The following RIMS2 variants were observed in gnomAD, a reference collection of about 807,000 sequenced individuals.
The protein encoded by RIMS2 is regulating synaptic membrane exocytosis 2, also known as regulating synaptic membrane exocytosis protein 2.
In RIMS2, 59 loss-of-function variants were observed where a neutral mutation model predicts 174.4. The observed-to-expected ratio is 0.34, with a 90% CI of 0.27 to 0.42. The LOEUF (loss-of-function observed/expected upper bound fraction) is 0.42. Among genes scored for constraint, RIMS2 ranks in the 10% least tolerant of loss-of-function variants. RIMS2 has a pLI of 1.00. For synonymous variants in RIMS2, 606 were observed against 572.5 expected (o/e 1.06, Z -0.84); for missense variants, 1,620 against 1,666.3 (o/e 0.97, Z 0.48).
intron 19 of RIMS2, among the ~76,000 whole-genome samples, chr8:104,039,720 A>G (rs1385382462): frequency 6.6e-6 from 1 of 151,732 alleles, no homozygotes; most frequent in East Asian, 1.9e-4. Context: ...GAAAGTCGGC[A>G]TTTGCCTAGG....
intron 20 of RIMS2, among the ~76,000 whole-genome samples, chr8:104,246,319 T>C (rs1376970089): frequency 6.6e-6 from 1 of 152,116 alleles, no homozygotes; most frequent in African/African-American, 2.4e-5. Context: ...ATCTGGGTCT[T>C]TTCTTTTCTT....
At chr8:103,761,255 C>T (rs1305802481) in intron 2 of RIMS2, among the ~76,000 whole-genome samples, 1 of 152,108 alleles carries the variant, frequency 6.6e-6, no homozygotes, top group East Asian at 1.9e-4. Flanking sequence ...ATATTCATGC[C>T]CTGGTAATGG....
intron 3 of RIMS2, among the ~76,000 whole-genome samples, chr8:103,882,352 A>T (rs538608480): frequency 6.6e-6 from 1 of 151,748 alleles, no homozygotes; most frequent in Non-Finnish European, 1.5e-5. Context: ...GAAGTAATTC[A>T]TAATATAGTT....
chr8:103,910,086 CT>C, intron 4 of RIMS2: 7 of 1,204,784 alleles, frequency 5.8e-6, no homozygotes, highest in African/African-American at 1.5e-5. Flanking sequence ...CTGTCTGTCC[CT>C]TTTTTCACCA....
intron 1 of RIMS2, among the ~76,000 whole-genome samples, chr8:103,520,705 T>C (rs1831245056): frequency 6.6e-6 from 1 of 152,124 alleles, no homozygotes; most frequent in African/African-American, 2.4e-5. Context: ...ACCATGTAGT[T>C]TGAGAAGTAT....
intron 1 of RIMS2, among the ~76,000 whole-genome samples, chr8:103,562,635 C>T (rs1306194623): frequency 6.6e-6 from 1 of 152,128 alleles, no homozygotes; most frequent in Non-Finnish European, 1.5e-5. Flanking sequence ...AGTGGGTCTA[C>T]TATTCTGGGG....
intron 3 of RIMS2, among the ~76,000 whole-genome samples, chr8:103,853,850 G>A (rs2099012439): frequency 6.6e-6 from 1 of 151,884 alleles, no homozygotes; most frequent in African/African-American, 2.4e-5. Flanking sequence ...TGCTTAGGAT[G>A]GCTTTGGCTA....
At chr8:103,756,975 GTGTC>G (rs2098022521) in intron 2 of RIMS2, among the ~76,000 whole-genome samples, 1 of 120,952 alleles carries the variant, frequency 8.3e-6, no homozygotes, top group Non-Finnish European at 1.7e-5. Flanking sequence ...ATGTGTGTGT[GTGTC>G]TGTGTGTGTG....
At chr8:103,559,774 C>T (rs563107200) in intron 1 of RIMS2, among the ~76,000 whole-genome samples, 7 of 152,236 alleles carry the variant, frequency 4.6e-5, no homozygotes, top group East Asian at 1.9e-4. Flanking sequence ...GTTAGCCTGC[C>T]GTGGTTTCAG....
chr8:103,700,675 A>AT (rs2097157145), intron 2 of RIMS2, among the ~76,000 whole-genome samples: 1 of 150,900 alleles, frequency 6.6e-6, no homozygotes, highest in African/African-American at 2.4e-5. Flanking sequence ...TGCTTTTTTG[A>AT]TTTTGTCTTA....
At chr8:103,748,835 T>G (rs2139632161) in intron 2 of RIMS2, among the ~76,000 whole-genome samples, 1 of 152,204 alleles carries the variant, frequency 6.6e-6, no homozygotes, top group East Asian at 1.9e-4. Flanking sequence ...AGTTTTACTC[T>G]TGTTGCCCAA....
chr8:103,682,446 A>G (rs1405683420), intron 1 of RIMS2, among the ~76,000 whole-genome samples: 1 of 152,200 alleles, frequency 6.6e-6, no homozygotes, highest in Non-Finnish European at 1.5e-5. Context: ...CTGAAGTAAT[A>G]TGATGACTGA....
chr8:103,921,948 T>G lies in RIMS2; in HGVS notation c.2196+164T>G, dbSNP rs1323183788. 11 of 413,692 alleles carry G rather than the reference T, an allele frequency of 2.7e-5. No homozygotes were observed. The South Asian group carries it at 4.0e-4, about 15-fold the overall frequency. 25.6% of individuals were successfully genotyped at this position (413,692 alleles called of 1,614,324 possible). ...TTTGAAATCCAATTTTGATTATTTATCATACTGCTTCATTTATTAAGAGTT... is the reference window on the plus strand; with the variant it reads ...TTTGAAATCCAATTTTGATTATTTAGCATACTGCTTCATTTATTAAGAGTT... On this transcript the variant is annotated intron_variant, in intron 10 of 23. Transcript: ENST00000504942.
At chr8:103,527,110 A>G (rs1397092759) in intron 1 of RIMS2, among the ~76,000 whole-genome samples, 1 of 152,202 alleles carries the variant, frequency 6.6e-6, no homozygotes, top group Non-Finnish European at 1.5e-5. Flanking sequence ...TATGTCTTCA[A>G]AGTGCTGAAG....
At chr8:103,924,197 A>C (rs902699038) in intron 10 of RIMS2, among the ~76,000 whole-genome samples, 3 of 151,704 alleles carry the variant, frequency 2.0e-5, no homozygotes, top group African/African-American at 7.2e-5. Context: ...GATTCTTGAA[A>C]TCTATTTTCA....
intron 19 of RIMS2, among the ~76,000 whole-genome samples, chr8:104,184,147 T>G (rs1212019172): frequency 6.6e-6 from 1 of 151,648 alleles, no homozygotes; most frequent in Admixed American, 6.6e-5. Context: ...GAAATGTACA[T>G]AATGTGATTT....
chr8:104,085,565 G>A (rs1454872023), intron 19 of RIMS2, among the ~76,000 whole-genome samples: 1 of 152,132 alleles, frequency 6.6e-6, no homozygotes, highest in Non-Finnish European at 1.5e-5. Context: ...ATATTGCGTA[G>A]GCATTCAGCA....
At chr8:103,992,274 A>ATTTTTTTTTTTTTTTTT (rs1186537194) in intron 17 of RIMS2, among the ~76,000 whole-genome samples, 32 of 107,072 alleles carry the variant, frequency 3.0e-4, no homozygotes, top group African/African-American at 3.8e-4. Context: ...ATGTCCAGCT[A>ATTTTTTTTTTTTTTTTT]TTTTTTTTTT....
chr8:103,968,792 T>A lies in RIMS2; in HGVS notation c.2771-6558T>A, dbSNP rs183137730. ...TTTTGATTTTACCTTCATTTATTCC[T>A]TTTTCAATGCTCTTTCTTTCTATAT... On this transcript the variant is annotated intron_variant, in intron 15 of 23. Coordinates refer to ENST00000504942, the Ensembl canonical transcript of RIMS2. 4.6e-3 allele frequency among the ~76,000 whole-genome samples: 701 copies of A among 152,228 alleles called. 4 individuals carry two copies. The highest frequency in any genetic ancestry group is 7.8e-3 in the Non-Finnish European group (529 of 67,982).
Sources: gnomAD v4.1 joint callset for allele counts (sites outside exome capture counted in the v4.1 genomes callset) on GRCh38, gnomAD v4.1.1 for gene constraint, MANE v1.5 for transcripts, NCBI Gene and HGNC (gene_info 2026-07-23, HGNC 2026-07-21) for gene names.